MTG2: variants seen among roughly 807,000 people sequenced by gnomAD.
The protein encoded by MTG2 is mitochondrial ribosome-associated GTPase 2.
Under a neutral mutation model 28.6 loss-of-function variants are expected in MTG2, and 23 were observed. The ratio of observed to expected loss-of-function variants is 0.80; its 90% CI spans 0.58 to 1.14. The LOEUF (loss-of-function observed/expected upper bound fraction) is 1.14, where lower values mean the gene tolerates loss of function less well. MTG2 is among the 50% of genes most tolerant of loss of function. The probability of loss-of-function intolerance (pLI) is 0.00; values close to 1 mark genes in which losing one functional copy is unlikely to be tolerated. For missense variants in MTG2, 539 were observed against 552.0 expected (o/e 0.98, Z 0.24); for synonymous variants, 260 against 251.8 (o/e 1.03, Z -0.31).
chr20:62,186,721 G>A (rs2145828401), intron 1 of MTG2, among the ~76,000 whole-genome samples: 1 of 152,028 alleles, frequency 6.6e-6, no homozygotes, highest in South Asian at 2.1e-4. Flanking sequence ...TAGAGATGGG[G>A]TTTCACCATG....
In MTG2 at chr20:62,200,624, C is replaced by T; in HGVS notation, c.827-59C>T. ...TCTCTCCCAGGCTCGAGGTGGAAGG[C>T]GCTCTTGGGTGCTGGGTGTGCCAAG... On this transcript the variant is annotated intron_variant, in intron 6 of 6. Transcript: ENST00000370823. 3.3e-6 allele frequency: 5 copies of T among 1,514,148 alleles called. 1 individual carries two copies. The South Asian group carries it at 6.6e-5, about 20-fold the overall frequency. 93.8% of individuals were successfully genotyped at this position (1,514,148 alleles called of 1,614,324 possible).
At chr20:62,192,970 C>T (rs1223920607) in intron 1 of MTG2, among the ~76,000 whole-genome samples, 3 of 152,306 alleles carry the variant, frequency 2.0e-5, no homozygotes, top group Admixed American at 6.5e-5. Flanking sequence ...GGTGCTTAGC[C>T]GCTATGCCCC....
At position 62,198,718 on chromosome 20, in the gene MTG2, G is replaced by A. The variant is rs1486300314; in HGVS notation, c.553G>A (p.Gly185Ser). ...GGGAGATGAGTACATTGCCGCGCTG[G>A]GCGGGGCAGGAGGGAAAGGCAACCG... ...CVGDEYIAAL[G>S]GAGGKGNRFF... The change falls in exon 5 of 7, where the codon GGC (glycine) becomes AGC (serine). Residue 185 changes from glycine to serine, a missense_variant. Physicochemically the swap from Gly to Ser is moderately conservative, Grantham distance 56. Transcript: ENST00000370823. 2 of 1,614,144 alleles carry A rather than the reference G, an allele frequency of 1.2e-6. No individual in the cohort carries two copies. Among genetic ancestry groups the A allele is most frequent in the Non-Finnish European group, 1.7e-6 (2 of 1,180,040 alleles).
chr20:62,195,719 G>T lies in MTG2; in HGVS notation c.205-83G>T. On this transcript the variant is annotated intron_variant, in intron 2 of 6. Coordinates refer to ENST00000370823, the MANE Select transcript of MTG2 (RefSeq NM_015666.4). Reference sequence around the variant, plus strand: ...TTTTAATAGGCTGTTATAGATAGAAGATGTACATCTCAAATGGATGCATGG... The same window carrying T: ...TTTTAATAGGCTGTTATAGATAGAATATGTACATCTCAAATGGATGCATGG... 3.3e-6 allele frequency: 5 copies of T among 1,514,288 alleles called. No individual in the cohort carries two copies. The South Asian group carries it at 5.7e-5, about 17-fold the overall frequency. 93.8% of individuals were successfully genotyped at this position (1,514,288 alleles called of 1,614,324 possible). A position where few individuals can be genotyped will look rare whatever the true frequency, so the allele number is the denominator to read the frequency against.
chr20:62,188,290 A>G (rs936457744), intron 1 of MTG2, among the ~76,000 whole-genome samples: 3 of 152,012 alleles, frequency 2.0e-5, no homozygotes, highest in African/African-American at 7.2e-5. Flanking sequence ...TTTTCTAGCT[A>G]TTGACTTCCA....
Position 62,198,763 on chromosome 20 carries a change from A to C in MTG2, c.598A>C (p.Asn200His). The C allele has an allele frequency of 5.6e-6, 9 of 1,614,148 alleles. No homozygotes were observed. Among genetic ancestry groups the C allele is most frequent in the Non-Finnish European group, 7.6e-6 (9 of 1,180,038 alleles). The change falls in exon 5 of 7, where the codon AAC becomes CAC. Residue 200 changes from asparagine (N) to histidine (H), a missense_variant. Transcript: ENST00000370823. ...KGNRFFLANN[N>H]RAPVTCTPGQ... ...CAACCGCTTCTTCCTGGCCAACAAC[A>C]ACCGTGCCCCTGTGACCTGTACCCC...
chr20:62,190,722 C>G (rs1161245467), intron 1 of MTG2, among the ~76,000 whole-genome samples: 1 of 152,242 alleles, frequency 6.6e-6, no homozygotes, highest in Non-Finnish European at 1.5e-5. Flanking sequence ...CAAGCCCCAC[C>G]TGGAGCTCAG....
intron 4 of MTG2, 65 bp downstream of exon 4, chr20:62,198,032 C>A: frequency 1.4e-6 from 2 of 1,463,010 alleles, no homozygotes; most frequent in Non-Finnish European, 1.9e-6. Context: ...TCCTGGGGGC[C>A]ACCGTGTGAC....
Position 62,198,636 on chromosome 20 carries a change from C to A in MTG2, c.471C>A (p.Val157=), listed in dbSNP as rs767825029. 3 of 1,613,340 alleles carry A rather than the reference C, an allele frequency of 1.9e-6. No individual in the cohort carries two copies. Among genetic ancestry groups the A allele is most frequent in the South Asian group, 1.1e-5 (1 of 90,976 alleles). The change falls in exon 5 of 7, where the codon GTC becomes GTA. Residue 157 remains valine, a splice_region_variant and synonymous_variant. Transcript: ENST00000370823. ...GRSGAVLYIR[V]PVGTLVKEGG... ...GATGAGTGCCTGCTGTTCCCCAGGTCCCCGTGGGCACGCTGGTGAAGGAGG... is the reference window on the plus strand; with the variant it reads ...GATGAGTGCCTGCTGTTCCCCAGGTACCCGTGGGCACGCTGGTGAAGGAGG...
At position 62,193,408 on chromosome 20, in the gene MTG2, T is replaced by G; in HGVS notation, c.-5-8T>G. ...AAGTATCTCATTTTGCCAATTTGACTTCTGTAGGGGCCATGGCACCTGCAA... is the reference window on the plus strand; with the variant it reads ...AAGTATCTCATTTTGCCAATTTGACGTCTGTAGGGGCCATGGCACCTGCAA... On this transcript the variant is annotated splice_polypyrimidine_tract_variant and splice_region_variant and intron_variant, in intron 1 of 6. Coordinates refer to ENST00000370823, the MANE Select transcript of MTG2 (RefSeq NM_015666.4). 6.2e-7 allele frequency: 1 copy of G among 1,613,718 alleles called. No individual in the cohort carries two copies. The highest frequency in any genetic ancestry group is 8.5e-7 in the Non-Finnish European group (1 of 1,179,642).
intron 1 of MTG2, among the ~76,000 whole-genome samples, chr20:62,186,077 A>G (rs901581742): frequency 6.6e-6 from 1 of 152,074 alleles, no homozygotes; most frequent in Admixed American, 6.5e-5. Flanking sequence ...TCCGGGCTGG[A>G]TGGTGTAACG....
At chr20:62,189,977 A>G (rs553364621) in intron 1 of MTG2, among the ~76,000 whole-genome samples, 1 of 152,298 alleles carries the variant, frequency 6.6e-6, no homozygotes, top group African/African-American at 2.4e-5. Flanking sequence ...TTAACATTTA[A>G]TGAAATTATT....
In MTG2 at chr20:62,199,108, CT is replaced by C. The variant is rs1235591208; in HGVS notation, c.688-8del. Reference sequence around the variant, plus strand: ...CGCGGGCCGTGCCACCGTCTTCCCTCTTTCCCCCAGGTGGGATTCCCCAACG... The same window carrying C: ...CGCGGGCCGTGCCACCGTCTTCCCTCTTCCCCCAGGTGGGATTCCCCAACG... On this transcript the variant is annotated splice_polypyrimidine_tract_variant and intron_variant, in intron 5 of 6. Transcript: ENST00000370823. 1 of 1,613,654 alleles carries C rather than the reference CT, an allele frequency of 6.2e-7. No individual in the cohort carries two copies. Among genetic ancestry groups the C allele is most frequent in the African/African-American group, 1.3e-5 (1 of 74,940 alleles).
At position 62,198,907 on chromosome 20, in the gene MTG2, C is replaced by A. The variant is rs2058109956; in HGVS notation, c.687+55C>A. On this transcript the variant is annotated intron_variant, in intron 5 of 6. Coordinates refer to ENST00000370823, the MANE Select transcript of MTG2 (RefSeq NM_015666.4). ...CACACACTCAGCTCTAGAAAATCCA[C>A]TTTTCTCAATGGGGATTTGCCAGTG... 27 of 1,604,288 alleles carry A rather than the reference C, an allele frequency of 1.7e-5. No homozygotes were observed. The South Asian group carries it at 2.9e-4, about 17-fold the overall frequency.
chr20:62,193,271 T>C, intron 1 of MTG2, 145 bp from the exon 2 acceptor site: 1 of 789,092 alleles, frequency 1.3e-6, no homozygotes, highest in Non-Finnish European at 2.1e-6. Context: ...AGAGGGTGAG[T>C]GACCAGGAAA....
At chr20:62,192,348 G>A (rs1379077886) in intron 1 of MTG2, among the ~76,000 whole-genome samples, 1 of 152,230 alleles carries the variant, frequency 6.6e-6, no homozygotes, top group East Asian at 1.9e-4. Context: ...GGCACAGGCA[G>A]GCAGCTGGGT....
rs1316835294 is a variant in MTG2 at position 62,201,824 on chromosome 20, T to C, written c.*747T>C. 6.6e-6 allele frequency: 1 copy of C among 152,300 alleles called. No individual in the cohort carries two copies. Among genetic ancestry groups the C allele is most frequent in the Admixed American group, 6.5e-5 (1 of 15,290 alleles). The allele number at this position is 152,300 out of a possible 1,614,324, so 9.4% of individuals were successfully genotyped here. A position where few individuals can be genotyped will look rare whatever the true frequency, so the allele number is the denominator to read the frequency against. Reference sequence around the variant, plus strand: ...TCCGACCTGGCTGCGTGTTTCTGGCTGGGCTGCCGTGTGCACAGCAAGTTA... The same window carrying C: ...TCCGACCTGGCTGCGTGTTTCTGGCCGGGCTGCCGTGTGCACAGCAAGTTA... On this transcript the variant is annotated 3_prime_UTR_variant, in exon 7 of 7. Transcript: ENST00000370823.
intron 1 of MTG2, among the ~76,000 whole-genome samples, chr20:62,183,518 A>G (rs2057767287): frequency 6.6e-6 from 1 of 152,274 alleles, no homozygotes; most frequent in Non-Finnish European, 1.5e-5. Flanking sequence ...ATGATAAAAC[A>G]ACAATAAAGT....
chr20:62,188,592 T>C (rs1415083901), intron 1 of MTG2, among the ~76,000 whole-genome samples: 1 of 148,496 alleles, frequency 6.7e-6, no homozygotes, highest in Non-Finnish European at 1.5e-5. Context: ...GCCTCAAGTT[T>C]TTCTCCTGCC....
Sources: gnomAD v4.1 joint callset for allele counts (sites outside exome capture counted in the v4.1 genomes callset) on GRCh38, gnomAD v4.1.1 for gene constraint, MANE v1.5 for transcripts, NCBI Gene and HGNC (gene_info 2026-07-23, HGNC 2026-07-21) for gene names.